The following PCDH7 variants were observed in gnomAD, a reference collection of about 807,000 sequenced individuals.
PCDH7 encodes the protein protocadherin-7.
Under a neutral mutation model 58.9 loss-of-function variants are expected in PCDH7, and 17 were observed. The observed-to-expected ratio is 0.29, with a 90% CI of 0.20 to 0.43. The LOEUF (loss-of-function observed/expected upper bound fraction) is 0.43, where lower values mean the gene tolerates loss of function less well. Among genes scored for constraint, PCDH7 ranks in the 20% least tolerant of loss-of-function variants. PCDH7 has a pLI of 1.00. For synonymous variants in PCDH7, 664 were observed against 616.4 expected, an observed-to-expected ratio of 1.08 and a Z score of -1.14; for missense variants, 1,274 against 1,441.0, an observed-to-expected ratio of 0.88 and a Z score of 1.88.
At chr4:31,035,847 A>G (rs1396244271) in intron 3 of PCDH7, among the ~76,000 whole-genome samples, 1 of 152,132 alleles carries the variant, frequency 6.6e-6, no homozygotes, top group Non-Finnish European at 1.5e-5. Context: ...ATGATTTCAA[A>G]ATGTTTGTGT....
chr4:30,869,515 T>A (rs560749480), intron 1 of PCDH7, among the ~76,000 whole-genome samples: 2 of 152,160 alleles, frequency 1.3e-5, no homozygotes, highest in African/African-American at 4.8e-5. Context: ...CTCCTACTTA[T>A]GAATGAGAAC....
chr4:30,736,209 A>G (rs955367177), downstream of PCDH7, among the ~76,000 whole-genome samples: 1 of 152,162 alleles, frequency 6.6e-6, no homozygotes, highest in Non-Finnish European at 1.5e-5. Context: ...TCACTGTTGG[A>G]AGAAACTTGA....
chr4:30,909,961 C>A (rs188568760), intron 1 of PCDH7, among the ~76,000 whole-genome samples: 1 of 152,236 alleles, frequency 6.6e-6, no homozygotes, highest in Non-Finnish European at 1.5e-5. Flanking sequence ...CCTAGTGGTA[C>A]TAGTACCAAA....
rs1731227933 is a variant in PCDH7, at chr4:30,841,567, C to A, written c.71-78586C>A. On this transcript the variant is annotated intron_variant, in intron 1 of 3. Transcript: ENST00000509759. Reference sequence around the variant, plus strand: ...TTCTGACGTGATGTGATTTTGTGATCTCTTTGAAACATTTTCAGCCTTAAG... The same window carrying A: ...TTCTGACGTGATGTGATTTTGTGATATCTTTGAAACATTTTCAGCCTTAAG... Among the ~76,000 whole-genome samples the A allele has an allele frequency of 2.0e-5, 3 of 152,054 alleles. No individual in the cohort carries two copies. The South Asian group carries it at 6.2e-4, about 31-fold the overall frequency.
At position 31,142,683 on chromosome 4, in the gene PCDH7, A is replaced by G. The variant is rs576368971; in HGVS notation, c.*218A>G. On this transcript the variant is annotated 3_prime_UTR_variant, in exon 4 of 4. Transcript: ENST00000509759. ...GAGGCCGCCATCATGGGTGACCGCA[A>G]CAGAAACCTCCTGAACAAAAAGTTG... 5 of 1,367,794 alleles carry G rather than the reference A, an allele frequency of 3.7e-6. No homozygotes were observed. The African/African-American group carries it at 7.4e-5, about 20-fold the overall frequency. The allele number at this position is 1,367,794 out of a possible 1,614,324, so 84.7% of individuals were successfully genotyped here.
intron 1 of PCDH7, among the ~76,000 whole-genome samples, chr4:30,752,220 G>A (rs1215764228): frequency 2.0e-5 from 3 of 151,764 alleles, no homozygotes; most frequent in South Asian, 2.1e-4. Flanking sequence ...TGCAACTTCC[G>A]CCTGCGGGTT....
chr4:30,748,524 G>A (rs1439817584), intron 1 of PCDH7, among the ~76,000 whole-genome samples: 4 of 151,904 alleles, frequency 2.6e-5, no homozygotes, highest in African/African-American at 4.8e-5. Context: ...TTTTTATCAG[G>A]GTCTCACTCC....
chr4:30,979,170 T>TA lies in PCDH7; in HGVS notation c.*7+28961dup, dbSNP rs564752817. ...TGAAACCCTGTCTCTACGAAAAATA[T>TA]AAAAAATCAGCTGGGCGTGGTGGTG... On this transcript the variant is annotated intron_variant, in intron 3 of 3. Transcript: ENST00000509759. Among the ~76,000 whole-genome samples the TA allele has an allele frequency of 6.4e-4, 97 of 151,222 alleles. 1 individual carries two copies. The South Asian group carries it at 0.015, about 24-fold the overall frequency.
chr4:31,097,589 T>TAC (rs1295071567), intron 3 of PCDH7, among the ~76,000 whole-genome samples: 32 of 11,306 alleles, frequency 2.8e-3, no homozygotes, highest in South Asian at 7.4e-3. Flanking sequence ...CAAATATACA[T>TAC]ATATATATAT....
chr4:30,823,652 C>T (rs756570622), intron 1 of PCDH7, among the ~76,000 whole-genome samples: 2 of 151,950 alleles, frequency 1.3e-5, no homozygotes, highest in Non-Finnish European at 2.9e-5. Flanking sequence ...GAATATGAGA[C>T]GCTTCTTGAA....
intron 1 of PCDH7, among the ~76,000 whole-genome samples, chr4:30,889,665 G>T (rs948441474): frequency 6.6e-6 from 1 of 152,096 alleles, no homozygotes; most frequent in Non-Finnish European, 1.5e-5. Context: ...GTCTGTTGAG[G>T]ACCTGTTCTT....
At chr4:30,973,771 G>T (rs1421850238) in intron 3 of PCDH7, among the ~76,000 whole-genome samples, 1 of 151,520 alleles carries the variant, frequency 6.6e-6, no homozygotes, top group Non-Finnish European at 1.5e-5. Context: ...AGTGAAAATT[G>T]TATTAGTTTC....
chr4:31,138,605 A>G (rs1440680208), intron 3 of PCDH7, among the ~76,000 whole-genome samples: 1 of 152,156 alleles, frequency 6.6e-6, no homozygotes, highest in African/African-American at 2.4e-5. Context: ...CCTCCTTGCT[A>G]TATGATTGAG....
At chr4:31,073,903 G>A (rs114965607) in intron 3 of PCDH7, among the ~76,000 whole-genome samples, 1,569 of 152,072 alleles carry the variant, frequency 0.01, 22 homozygotes, top group African/African-American at 0.036. Flanking sequence ...TATCTCAACA[G>A]TGCATACTCC....
chr4:30,750,891 T>A (rs1718424155), intron 1 of PCDH7, among the ~76,000 whole-genome samples: 1 of 152,168 alleles, frequency 6.6e-6, no homozygotes. Context: ...TACTATTTTT[T>A]TTTCCAGGAT....
Position 30,723,205 on chromosome 4 carries a change from A to C in PCDH7, c.1783A>C (p.Thr595Pro). 1 of 1,614,116 alleles carries C rather than the reference A, an allele frequency of 6.2e-7. No individual in the cohort carries two copies. The highest frequency in any genetic ancestry group is 8.5e-7 in the Non-Finnish European group (1 of 1,180,040). The change falls in exon 1 of 2, where the codon ACC (threonine) becomes CCC (proline). Residue 595 changes from threonine to proline, a missense_variant. Coordinates refer to ENST00000361762, the Ensembl canonical transcript of PCDH7. The surrounding 1 kb of genome is among the most constrained non-coding windows in gnomAD (Gnocchi z 4.6). ...CGATTCTGGGGACATCCTGGTCAAT[A>C]CCGTGCTGGACCGCGAGCAGACTGA... is the stretch of plus-strand genomic sequence containing the variant.
intron 3 of PCDH7, among the ~76,000 whole-genome samples, chr4:31,014,158 G>A (rs906458255): frequency 1.3e-5 from 2 of 151,970 alleles, no homozygotes; most frequent in Non-Finnish European, 2.9e-5. Flanking sequence ...AAAAAAGGAA[G>A]TGGCCTATTT....
At chr4:31,054,673 C>T (rs748720194) in intron 3 of PCDH7, among the ~76,000 whole-genome samples, 1 of 151,948 alleles carries the variant, frequency 6.6e-6, no homozygotes, top group Non-Finnish European at 1.5e-5. Context: ...AATCTGAATA[C>T]CATGAAATCA....
intron 1 of PCDH7, among the ~76,000 whole-genome samples, chr4:30,879,533 A>T (rs111510777): frequency 5.9e-5 from 9 of 152,146 alleles, no homozygotes; most frequent in African/African-American, 1.9e-4. Flanking sequence ...GGCCTTTTAC[A>T]TTCAAGTCTG....
Sources: allele counts gnomAD v4.1 joint callset (sites outside exome capture counted in the v4.1 genomes callset), GRCh38; gene constraint gnomAD v4.1.1; non-coding constraint Gnocchi (gnomAD v3.1); transcripts MANE v1.5; gene names NCBI Gene and HGNC (gene_info 2026-07-23, HGNC 2026-07-21).